DYM: variants seen among roughly 807,000 people sequenced by gnomAD.
The protein encoded by DYM is dyggve-Melchior-Clausen syndrome protein.
A neutral mutation model predicts 93.1 loss-of-function variants in DYM; 78 were observed. The observed-to-expected ratio is 0.84, with a 90% CI of 0.70 to 1.01. The LOEUF (loss-of-function observed/expected upper bound fraction) is 1.01. Ranked by LOEUF, DYM falls within the 50% of genes least tolerant of loss-of-function variation. DYM has a pLI of 0.00. For missense variants in DYM, 789 were observed against 845.0 expected (o/e 0.93, Z 0.82); for synonymous variants, 321 against 319.7 (o/e 1.00, Z -0.04).
chr18:49,249,060 T>A (rs1033783304), intron 13 of DYM, among the ~76,000 whole-genome samples: 1 of 152,176 alleles, frequency 6.6e-6, no homozygotes, highest in African/African-American at 2.4e-5. Flanking sequence ...CTGTTCCAGA[T>A]CAATCCCAGG....
chr18:49,080,150 C>CGGG lies in DYM; in HGVS notation c.2025+17249_2025+17251dup, dbSNP rs749381960. On this transcript the variant is annotated intron_variant, in intron 17 of 17. Coordinates refer to ENST00000675505, the MANE Select transcript of DYM (RefSeq NM_001353214.3). The stretch of plus-strand genomic sequence containing the variant: ...CTCCCTCCCGGACGGGGCGGCTGGC[C>CGGG]GGGGGGGGGCTGACCCCCCCACCTC... Among the ~76,000 whole-genome samples the CGGG allele has an allele frequency of 2.9e-3, 29 of 10,130 alleles. 5 individuals carry two copies. In the East Asian group the frequency reaches 0.044, roughly 16 times the overall value. 6.6% of individuals were successfully genotyped at this position (10,130 alleles called of 152,430 possible).
Position 49,282,213 on chromosome 18 carries a change from T to C in DYM, c.947-38A>G. ...AAACAGCACATCAGTAATTTCTAGC[T>C]GTGCTTTATATAAATAAAAATATTG... is the stretch of plus-strand genomic sequence containing the variant. On this transcript the variant is annotated intron_variant, in intron 9 of 17. Transcript: ENST00000675505. 1.9e-6 allele frequency: 3 copies of C among 1,557,110 alleles called. No individual in the cohort carries two copies. The South Asian group carries it at 3.3e-5, about 17-fold the overall frequency.
chr18:49,414,751 A>G (rs2072720164), intron 2 of DYM, among the ~76,000 whole-genome samples: 1 of 152,136 alleles, frequency 6.6e-6, no homozygotes, highest in African/African-American at 2.4e-5. Flanking sequence ...GAAATCTCCT[A>G]AAGCTATTGC....
intron 15 of DYM, among the ~76,000 whole-genome samples, chr18:49,148,791 T>C (rs1460364268): frequency 6.6e-6 from 1 of 152,134 alleles, no homozygotes; most frequent in Non-Finnish European, 1.5e-5. Flanking sequence ...TAGGGGTCTG[T>C]GAGGCTCCTG....
chr18:49,323,846 C>T (rs1163189648), intron 8 of DYM, among the ~76,000 whole-genome samples: 1 of 152,184 alleles, frequency 6.6e-6, no homozygotes, highest in Non-Finnish European at 1.5e-5. Flanking sequence ...CAGTCATTTG[C>T]TTTATAAAAC....
chr18:49,320,285 T>C (rs540453004), intron 8 of DYM, among the ~76,000 whole-genome samples: 6 of 152,220 alleles, frequency 3.9e-5, no homozygotes, highest in Admixed American at 6.5e-5. Flanking sequence ...GTCAAACATA[T>C]AGAAAAGTCA....
Position 49,156,631 on chromosome 18 carries a change from C to T in DYM, c.1728+7054G>A, listed in dbSNP as rs574802121. Among the ~76,000 whole-genome samples the T allele has an allele frequency of 9.3e-5, 14 of 149,920 alleles. No individual in the cohort carries two copies. The East Asian group carries it at 2.8e-3, about 30-fold the overall frequency. On this transcript the variant is annotated intron_variant, in intron 15 of 17. Coordinates refer to ENST00000675505, the MANE Select transcript of DYM (RefSeq NM_001353214.3). ...CCTATAGTCCCAGCTACTTGGGAGGCTGAGGCAGGAGAATTGCTTGAACCC... is the reference window on the plus strand; with the variant it reads ...CCTATAGTCCCAGCTACTTGGGAGGTTGAGGCAGGAGAATTGCTTGAACCC...
At chr18:49,308,008 T>G (rs143494044) in intron 8 of DYM, among the ~76,000 whole-genome samples, 30 of 152,340 alleles carry the variant, frequency 2.0e-4, no homozygotes, top group Non-Finnish European at 3.7e-4. Flanking sequence ...ATATGCAATT[T>G]TGCTTTCATA....
At chr18:49,367,071 C>A (rs2066591270) in intron 5 of DYM, among the ~76,000 whole-genome samples, 1 of 151,950 alleles carries the variant, frequency 6.6e-6, no homozygotes, top group African/African-American at 2.4e-5. Context: ...AACACAAAAC[C>A]CCAAGTACTA....
chr18:49,192,918 A>G (rs1424927295), intron 14 of DYM, among the ~76,000 whole-genome samples: 12 of 152,158 alleles, frequency 7.9e-5, no homozygotes, highest in Non-Finnish European at 4.4e-5. Flanking sequence ...GGGGAAAAGG[A>G]GATTACAGTC....
chr18:49,289,742 T>TTCTCTTC (rs2059932522), intron 8 of DYM, among the ~76,000 whole-genome samples: 1 of 20,962 alleles, frequency 4.8e-5, no homozygotes, highest in African/African-American at 1.7e-4. Flanking sequence ...TATATATATA[T>TTCTCTTC]ATATATATAT....
At chr18:49,261,646 A>G (rs931137012) in intron 11 of DYM, among the ~76,000 whole-genome samples, 19 of 152,216 alleles carry the variant, frequency 1.2e-4, no homozygotes, top group Admixed American at 5.9e-4. Flanking sequence ...GACTCTCTCA[A>G]AAATAAATTC....
chr18:49,269,236 ATAAT>A (rs1212632704), intron 11 of DYM, among the ~76,000 whole-genome samples: 1 of 152,150 alleles, frequency 6.6e-6, no homozygotes, highest in Non-Finnish European at 1.5e-5. Context: ...AATTTCCCTG[ATAAT>A]TAATCAGGGA....
Position 49,441,304 on chromosome 18 carries a change from TATAATTA to T in DYM, c.-53-10864_-53-10858del, listed in dbSNP as rs1273572515. ...TATAATTATATATAATATAATTATA[TATAATTA>T]ATATATAATTATATATAATATAATT... On this transcript the variant is annotated intron_variant, in intron 1 of 17. Transcript: ENST00000675505. Among the ~76,000 whole-genome samples the T allele has an allele frequency of 1.8e-3, 80 of 44,046 alleles. 2 individuals carry two copies. The Middle Eastern group carries it at 0.03, about 17-fold the overall frequency. 28.9% of individuals were successfully genotyped at this position (44,046 alleles called of 152,430 possible).
At chr18:49,363,382 A>T in intron 5 of DYM, 149 bp from the exon 6 acceptor site, 2 of 690,252 alleles carry the variant, frequency 2.9e-6, no homozygotes, top group Middle Eastern at 2.9e-4. Flanking sequence ...ATAAAATCCA[A>T]ATCATGAATA....
intron 2 of DYM, among the ~76,000 whole-genome samples, chr18:49,419,689 A>G (rs2073414552): frequency 6.6e-6 from 1 of 152,238 alleles, no homozygotes; most frequent in South Asian, 2.1e-4. Flanking sequence ...TCAGAATTTT[A>G]ATTCAAATTG....
chr18:49,233,002 T>C (rs964999954), intron 13 of DYM, among the ~76,000 whole-genome samples: 4 of 152,074 alleles, frequency 2.6e-5, no homozygotes, highest in South Asian at 4.2e-4. Flanking sequence ...ATCCATATAA[T>C]ACAAAAATAC....
At chr18:49,169,033 G>T (rs1203460039) in intron 14 of DYM, among the ~76,000 whole-genome samples, 1 of 152,180 alleles carries the variant, frequency 6.6e-6, no homozygotes, top group Non-Finnish European at 1.5e-5. Context: ...CATGGACCAT[G>T]CTAAGAGGTC....
chr18:49,272,341 T>C, intron 10 of DYM, 38 bp from the exon 11 acceptor site: 1 of 1,249,126 alleles, frequency 8.0e-7, no homozygotes, highest in Non-Finnish European at 1.2e-6. Context: ...TTTCAATACT[T>C]CATTATAAAT....
Sources: allele counts gnomAD v4.1 joint callset (sites outside exome capture counted in the v4.1 genomes callset), GRCh38; gene constraint gnomAD v4.1.1; transcripts MANE v1.5; gene names NCBI Gene and HGNC (gene_info 2026-07-23, HGNC 2026-07-21).